The following RNASEH2B variants were observed in gnomAD, a reference collection of about 807,000 sequenced individuals.
RNASEH2B encodes the protein ribonuclease H2 subunit B, also known as Aicardi-Goutieres syndrome 2 protein.
Under a neutral mutation model 45.0 loss-of-function variants are expected in RNASEH2B, and 36 were observed. That is an observed-to-expected ratio of 0.80 (90% CI 0.61 to 1.06). The LOEUF (loss-of-function observed/expected upper bound fraction) is 1.06, where lower values mean the gene tolerates loss of function less well. Ranked by LOEUF, RNASEH2B falls within the 50% of genes least tolerant of loss-of-function variation. The pLI, the probability that RNASEH2B is intolerant of heterozygous loss-of-function variation, is 0.00. For synonymous variants in RNASEH2B, 119 were observed against 125.7 expected, an observed-to-expected ratio of 0.95 and a Z score of 0.35; for missense variants, 361 against 360.3, an observed-to-expected ratio of 1.00 and a Z score of -0.02.
At chr13:50,918,924 ATCT>A (rs762126286) in intron 1 of RNASEH2B, among the ~76,000 whole-genome samples, 1 of 152,084 alleles carries the variant, frequency 6.6e-6, no homozygotes, top group Non-Finnish European at 1.5e-5. Flanking sequence ...TTTCTATTGG[ATCT>A]TCTTAAGAAA....
intron 1 of RNASEH2B, chr13:50,912,070 G>C (rs1879437396): frequency 6.6e-6 from 1 of 152,252 alleles, no homozygotes; most frequent in African/African-American, 2.4e-5. Context: ...GAGATCTACT[G>C]TGACCTTTTA....
chr13:50,961,899 A>T (rs1017328727), intron 9 of RNASEH2B, among the ~76,000 whole-genome samples: 3 of 152,188 alleles, frequency 2.0e-5, no homozygotes, highest in Non-Finnish European at 4.4e-5. Context: ...TATCATATAT[A>T]GGTATTTATC....
chr13:50,920,165 C>A (rs1309829765), intron 1 of RNASEH2B, among the ~76,000 whole-genome samples: 1 of 152,190 alleles, frequency 6.6e-6, no homozygotes, highest in South Asian at 2.1e-4. Flanking sequence ...ATGCCTCAGC[C>A]TCCCAAGTAG....
intron 10 of RNASEH2B, chr13:50,954,410 A>G (rs754967283): frequency 3.6e-6 from 1 of 277,330 alleles, no homozygotes; most frequent in Non-Finnish European, 6.8e-6. Flanking sequence ...TACATGCATT[A>G]TAAATACATA....
chr13:50,947,819 T>C (rs1267680800), intron 7 of RNASEH2B, among the ~76,000 whole-genome samples, 168 bp from the exon 8 acceptor site: 1 of 152,108 alleles, frequency 6.6e-6, no homozygotes, highest in South Asian at 2.1e-4. Context: ...GTCTGACCGA[T>C]AGATATTACT....
chr13:50,956,337 C>A, intron 10 of RNASEH2B, 21 bp from the exon 11 acceptor site: 2 of 1,558,078 alleles, frequency 1.3e-6, no homozygotes, highest in Non-Finnish European at 8.8e-7. Flanking sequence ...AACAATTTTT[C>A]TCTCTTATTT....
At chr13:50,936,104 A>G (rs560361562) in intron 5 of RNASEH2B, 2 of 152,358 alleles carry the variant, frequency 1.3e-5, no homozygotes, top group African/African-American at 2.4e-5. Flanking sequence ...CACAGGGAAC[A>G]TGGGCTGGAG....
At chr13:50,947,151 T>A (rs909520320) in intron 7 of RNASEH2B, among the ~76,000 whole-genome samples, 1 of 152,188 alleles carries the variant, frequency 6.6e-6, no homozygotes, top group African/African-American at 2.4e-5. Flanking sequence ...TGGTGCTTTA[T>A]ATCCCCACGT....
intron 2 of RNASEH2B, among the ~76,000 whole-genome samples, chr13:50,928,037 T>A (rs1473094995): frequency 6.6e-6 from 1 of 152,226 alleles, no homozygotes; most frequent in Non-Finnish European, 1.5e-5. Context: ...GGGATTCATA[T>A]CTTATTGGAA....
Position 50,932,446 on chromosome 13 carries a change from A to G in RNASEH2B, c.321+1687A>G, listed in dbSNP as rs374884119. Among the ~76,000 whole-genome samples, 6 of 152,314 alleles carry G rather than the reference A, an allele frequency of 3.9e-5. No individual in the cohort carries two copies. In the East Asian group the frequency reaches 7.7e-4, roughly 20 times the overall value. ...AAGGATATTCTTAAGTGAAACTGGC[A>G]TTTTTTAAACTGCACATAAATGGCG... On this transcript the variant is annotated intron_variant, in intron 4 of 10. Transcript: ENST00000336617.
rs535667995 is a variant in RNASEH2B at position 50,923,850 on chromosome 13, G to A, written c.65-3557G>A. Among the ~76,000 whole-genome samples the A allele has an allele frequency of 3.3e-5, 5 of 152,244 alleles. No homozygotes were observed. The South Asian group carries it at 6.2e-4, about 19-fold the overall frequency. On this transcript the variant is annotated intron_variant, in intron 1 of 10. Coordinates refer to ENST00000336617, the MANE Select transcript of RNASEH2B (RefSeq NM_024570.4). ...GCAATAATTATGAACTGTGTTAACA[G>A]GCTTATAATATGTAAAGATGTAATT...
At chr13:50,917,935 T>A (rs1050549997) in intron 1 of RNASEH2B, among the ~76,000 whole-genome samples, 1 of 152,148 alleles carries the variant, frequency 6.6e-6, no homozygotes, top group African/African-American at 2.4e-5. Context: ...CCCACATAGT[T>A]CATGCTCCAT....
At chr13:50,932,903 A>G (rs1951698365) in intron 4 of RNASEH2B, among the ~76,000 whole-genome samples, 1 of 152,192 alleles carries the variant, frequency 6.6e-6, no homozygotes, top group Non-Finnish European at 1.5e-5. Context: ...GATGCAGCTT[A>G]GCCTCTTTTA....
intron 2 of RNASEH2B, chr13:50,928,653 A>G (rs922861205): frequency 1.3e-5 from 2 of 152,190 alleles, no homozygotes; most frequent in Non-Finnish European, 2.9e-5. Context: ...TGTGCCAAGT[A>G]TTGGTTTAGG....
chr13:50,966,025 G>C (rs1423482891), intron 9 of RNASEH2B, among the ~76,000 whole-genome samples: 1 of 152,116 alleles, frequency 6.6e-6, no homozygotes, highest in Non-Finnish European at 1.5e-5. Context: ...TTGATGCCAA[G>C]TTGAAGATCT....
intron 1 of RNASEH2B, among the ~76,000 whole-genome samples, chr13:50,923,293 T>C (rs1003464941): frequency 6.6e-6 from 1 of 152,120 alleles, no homozygotes; most frequent in Non-Finnish European, 1.5e-5. Flanking sequence ...CTTCCCAAAT[T>C]TGATTTAAAA....
intron 4 of RNASEH2B, chr13:50,934,641 A>C: frequency 1.9e-6 from 1 of 529,834 alleles, no homozygotes; most frequent in Non-Finnish European, 3.4e-6. Flanking sequence ...TCCCCATTTC[A>C]TTTGGGGACT....
chr13:50,952,034 C>G (rs1019032849), intron 9 of RNASEH2B: 1 of 152,128 alleles, frequency 6.6e-6, no homozygotes, highest in Non-Finnish European at 1.5e-5. Flanking sequence ...GTGGCACACA[C>G]TTGTAGTCTT....
At chr13:50,949,356 G>C in intron 8 of RNASEH2B, 107 bp from the exon 9 acceptor site, 1 of 921,656 alleles carries the variant, frequency 1.1e-6, no homozygotes, top group Non-Finnish European at 1.8e-6. Context: ...TGGAGGTAAA[G>C]CTGTAAGTTG....
Sources: gnomAD v4.1 joint callset for allele counts (sites outside exome capture counted in the v4.1 genomes callset) on GRCh38, gnomAD v4.1.1 for gene constraint, MANE v1.5 for transcripts, NCBI Gene and HGNC (gene_info 2026-07-23, HGNC 2026-07-21) for gene names.